SORCS3: variants seen among roughly 807,000 people sequenced by gnomAD.
SORCS3 encodes VPS10 domain-containing receptor SorCS3.
SORCS3 carries 57 observed loss-of-function variants against 146.3 expected under a neutral mutation model. That is an observed-to-expected ratio of 0.39 (90% CI 0.31 to 0.49). The LOEUF is 0.49. SORCS3 is among the 20% of genes least tolerant of loss of function. SORCS3 has a pLI of 0.92. For synonymous variants in SORCS3, 653 were observed against 618.5 expected (o/e 1.06, Z -0.83); for missense variants, 1,341 against 1,575.5 (o/e 0.85, Z 2.52).
At chr10:104,736,828 T>C (rs1282680447) in intron 1 of SORCS3, among the ~76,000 whole-genome samples, 1 of 151,984 alleles carries the variant, frequency 6.6e-6, no homozygotes, top group Non-Finnish European at 1.5e-5. Context: ...ATGTGCACAA[T>C]GTGCAGGTTA....
chr10:105,007,430 A>G (rs913729372), intron 4 of SORCS3, among the ~76,000 whole-genome samples: 2 of 152,178 alleles, frequency 1.3e-5, no homozygotes, highest in Non-Finnish European at 1.5e-5. Context: ...AATTCTTATA[A>G]CAAGATACCA....
rs572980455 is a variant in SORCS3, at chr10:105,086,408, T to G, written c.1029-3367T>G. Among the ~76,000 whole-genome samples the G allele has an allele frequency of 2.0e-5, 3 of 151,060 alleles. No individual in the cohort carries two copies. In the South Asian group the frequency reaches 6.4e-4, roughly 32 times the overall value. On this transcript the variant is annotated intron_variant, in intron 5 of 26. Transcript: ENST00000369701. ...GAGGATGTGTGATCTACATTCTGGG[T>G]TCTCTAGAAGTATAAAGGAGAGAGA...
At chr10:105,092,635 A>G (rs1042927170) in intron 6 of SORCS3, among the ~76,000 whole-genome samples, 7 of 151,804 alleles carry the variant, frequency 4.6e-5, no homozygotes, top group Non-Finnish European at 8.8e-5. Flanking sequence ...ACACACACAC[A>G]CACATCTCTA....
intron 6 of SORCS3, among the ~76,000 whole-genome samples, chr10:105,102,736 G>A (rs1310886083): frequency 6.7e-6 from 1 of 149,902 alleles, no homozygotes; most frequent in Non-Finnish European, 1.5e-5. Context: ...TGGCCTCAAG[G>A]TGTTTGGCCT....
In SORCS3 at chr10:104,643,376, T is replaced by C. The variant is rs1475890061; in HGVS notation, c.627+1422T>C. Among the ~76,000 whole-genome samples, 5 of 152,318 alleles carry C rather than the reference T, an allele frequency of 3.3e-5. No homozygotes were observed. The East Asian group carries it at 9.6e-4, about 29-fold the overall frequency. On this transcript the variant is annotated intron_variant, in intron 1 of 26. Coordinates refer to ENST00000369701, the MANE Select transcript of SORCS3 (RefSeq NM_014978.3). ...AGGTAGTACATAAGCAATACCAAAGTGCAGATTTCTTGGTTTCTAATGATG... is the reference window on the plus strand; with the variant it reads ...AGGTAGTACATAAGCAATACCAAAGCGCAGATTTCTTGGTTTCTAATGATG...
chr10:104,716,321 T>C (rs1175778429), intron 1 of SORCS3, among the ~76,000 whole-genome samples: 1 of 152,180 alleles, frequency 6.6e-6, no homozygotes, highest in Non-Finnish European at 1.5e-5. Flanking sequence ...TCAGTGAACA[T>C]TTGTTGACTA....
At chr10:105,191,218 C>T (rs1370076251) in intron 14 of SORCS3, among the ~76,000 whole-genome samples, 1 of 152,112 alleles carries the variant, frequency 6.6e-6, no homozygotes, top group Non-Finnish European at 1.5e-5. Flanking sequence ...ATTTTTGATA[C>T]ATTTTGGAAG....
intron 3 of SORCS3, among the ~76,000 whole-genome samples, chr10:104,976,504 G>A (rs1362111045): frequency 6.6e-5 from 10 of 152,196 alleles, no homozygotes; most frequent in South Asian, 2.1e-4. Context: ...TCAGTGTGGC[G>A]ATTCCTCAGG....
intron 1 of SORCS3, among the ~76,000 whole-genome samples, chr10:104,794,667 T>C: frequency 7.1e-6 from 1 of 140,084 alleles, no homozygotes; most frequent in Non-Finnish European, 1.6e-5. Flanking sequence ...GAGAATATTA[T>C]CCAGCATAGT....
intron 6 of SORCS3, among the ~76,000 whole-genome samples, chr10:105,091,998 T>C (rs906849466): frequency 1.3e-5 from 2 of 152,214 alleles, no homozygotes; most frequent in African/African-American, 4.8e-5. Context: ...TGACCTGGTG[T>C]AGGAATCCCT....
At chr10:105,061,341 C>T (rs1259881539) in intron 5 of SORCS3, among the ~76,000 whole-genome samples, 11 of 140,544 alleles carry the variant, frequency 7.8e-5, no homozygotes, top group Admixed American at 7.6e-4. Context: ...GTCACCCAGG[C>T]TGGAGTGCAG....
intron 7 of SORCS3, among the ~76,000 whole-genome samples, chr10:105,113,190 G>T (rs1589639061): frequency 6.6e-6 from 1 of 152,190 alleles, no homozygotes; most frequent in Non-Finnish European, 1.5e-5. Context: ...TTGCAGCCCT[G>T]TTGGCTGCAT....
chr10:105,174,436 A>AAATAAT (rs138806203), intron 13 of SORCS3, among the ~76,000 whole-genome samples: 57 of 151,610 alleles, frequency 3.8e-4, no homozygotes, highest in Non-Finnish European at 6.3e-4. Context: ...CTAGTCATCA[A>AAATAAT]AATAATAATA....
At chr10:105,160,954 A>G (rs1393758511) in intron 11 of SORCS3, among the ~76,000 whole-genome samples, 1 of 152,168 alleles carries the variant, frequency 6.6e-6, no homozygotes, top group Non-Finnish European at 1.5e-5. Context: ...TAGAGATGGA[A>G]GTATGTGTCT....
At chr10:105,144,799 C>G (rs953700032) in intron 8 of SORCS3, among the ~76,000 whole-genome samples, 1 of 152,066 alleles carries the variant, frequency 6.6e-6, no homozygotes, top group African/African-American at 2.4e-5. Flanking sequence ...TGAGGTAACT[C>G]AGTTTAAGAA....
intron 20 of SORCS3, among the ~76,000 whole-genome samples, chr10:105,226,633 A>G (rs2056735465): frequency 6.6e-6 from 1 of 152,004 alleles, no homozygotes; most frequent in African/African-American, 2.4e-5. Flanking sequence ...AAGAGTTGAT[A>G]TTAGTTCATC....
intron 2 of SORCS3, among the ~76,000 whole-genome samples, chr10:104,873,708 A>C (rs564854256): frequency 2.6e-4 from 39 of 152,308 alleles, no homozygotes; most frequent in African/African-American, 8.9e-4. Flanking sequence ...AAAATATGCA[A>C]CTAGCCCTTG....
chr10:104,886,654 T>C (rs1404745793), intron 2 of SORCS3, among the ~76,000 whole-genome samples: 4 of 152,032 alleles, frequency 2.6e-5, no homozygotes, highest in Non-Finnish European at 5.9e-5. Context: ...TTTCTTTAGG[T>C]GGGAGCCCAA....
intron 1 of SORCS3, among the ~76,000 whole-genome samples, chr10:104,778,578 T>C (rs1220151647): frequency 6.6e-6 from 1 of 152,232 alleles, no homozygotes; most frequent in Non-Finnish European, 1.5e-5. Context: ...AAGCACCAGC[T>C]CAGTTCCTGG....
Sources: gnomAD v4.1 joint callset for allele counts (sites outside exome capture counted in the v4.1 genomes callset) on GRCh38, gnomAD v4.1.1 for gene constraint, MANE v1.5 for transcripts, NCBI Gene and HGNC (gene_info 2026-07-23, HGNC 2026-07-21) for gene names.